Variants in RBMS3 observed in about 807,000 individuals in gnomAD.
RBMS3 encodes the protein RNA binding motif single stranded interacting protein 3.
RBMS3 carries 27 observed loss-of-function variants against 66.8 expected under a neutral mutation model. The ratio of observed to expected loss-of-function variants is 0.40; its 90% CI spans 0.30 to 0.56. RBMS3 has a LOEUF of 0.56. Ranked by LOEUF, RBMS3 falls within the 20% of genes least tolerant of loss-of-function variation. RBMS3 has a pLI of 0.40. For synonymous variants in RBMS3, 188 were observed against 183.0 expected (o/e 1.03, Z -0.22); for missense variants, 513 against 549.5 (o/e 0.93, Z 0.66).
At chr3:29,861,024 C>T (rs1463531429) in intron 6 of RBMS3, among the ~76,000 whole-genome samples, 14 of 152,094 alleles carry the variant, frequency 9.2e-5, no homozygotes, top group African/African-American at 3.1e-4. Context: ...CCACCACGCC[C>T]GGCTAATTTT....
intron 1 of RBMS3, among the ~76,000 whole-genome samples, chr3:29,309,443 T>G (rs2034234137): frequency 6.6e-6 from 1 of 151,786 alleles, no homozygotes; most frequent in African/African-American, 2.4e-5. Flanking sequence ...TGTATCATAA[T>G]GTACTGACAC....
chr3:29,762,835 C>A, intron 5 of RBMS3, 75 bp from the exon 6 acceptor site: 1 of 1,038,120 alleles, frequency 9.6e-7, no homozygotes. Context: ...CTATGGCTTT[C>A]TTGTTTTCCT....
intron 2 of RBMS3, among the ~76,000 whole-genome samples, chr3:29,462,522 T>A (rs2042405595): frequency 6.6e-6 from 1 of 152,246 alleles, no homozygotes; most frequent in Admixed American, 6.5e-5. Flanking sequence ...GACTTGGAGC[T>A]GATCCTTCTC....
intron 1 of RBMS3, among the ~76,000 whole-genome samples, chr3:29,422,629 T>C (rs1305698058): frequency 6.6e-6 from 1 of 152,064 alleles, no homozygotes; most frequent in Non-Finnish European, 1.5e-5. Flanking sequence ...ATAATGTAAA[T>C]TGCCTAATAT....
chr3:29,800,579 G>A (rs1576842738), intron 6 of RBMS3, among the ~76,000 whole-genome samples: 2 of 152,028 alleles, frequency 1.3e-5, no homozygotes, highest in East Asian at 3.9e-4. Context: ...AATTTCAAAG[G>A]TTATGTACAA....
At chr3:29,746,729 C>G (rs1368416544) in intron 5 of RBMS3, among the ~76,000 whole-genome samples, 1 of 152,020 alleles carries the variant, frequency 6.6e-6, no homozygotes, top group Non-Finnish European at 1.5e-5. Context: ...AACCAGTGAA[C>G]CAACCAAACA....
intron 9 of RBMS3, 52 bp from the exon 10 acceptor site, chr3:29,899,653 C>T: frequency 3.9e-6 from 6 of 1,555,102 alleles, no homozygotes; most frequent in Non-Finnish European, 4.4e-6. Flanking sequence ...AACACAAGAA[C>T]CAAGTTCTCT....
chr3:29,595,410 A>AAG (rs1220654869), intron 4 of RBMS3, among the ~76,000 whole-genome samples: 2 of 151,504 alleles, frequency 1.3e-5, no homozygotes, highest in African/African-American at 4.9e-5. Context: ...AAAAAAAAAA[A>AAG]AAAAAGAAAA....
At chr3:29,934,250 G>C (rs1224680818) in intron 10 of RBMS3, 2 of 151,862 alleles carry the variant, frequency 1.3e-5, no homozygotes, top group African/African-American at 2.4e-5. Flanking sequence ...TTCAAGAAGA[G>C]AATCGAAGTC....
chr3:29,708,503 T>A (rs1176663813), intron 4 of RBMS3, among the ~76,000 whole-genome samples: 1 of 152,224 alleles, frequency 6.6e-6, no homozygotes, highest in Non-Finnish European at 1.5e-5. Context: ...TTAGATCTTG[T>A]AAGAAACAAA....
At chr3:29,776,366 T>C (rs2056426301) in intron 6 of RBMS3, among the ~76,000 whole-genome samples, 1 of 151,974 alleles carries the variant, frequency 6.6e-6, no homozygotes, top group Admixed American at 6.6e-5. Context: ...TCTTGCCAGG[T>C]TCCTCATAGA....
At chr3:29,890,673 A>C (rs2059980046) in intron 8 of RBMS3, among the ~76,000 whole-genome samples, 1 of 151,628 alleles carries the variant, frequency 6.6e-6, no homozygotes, top group African/African-American at 2.4e-5. Flanking sequence ...CAATTGTAAT[A>C]GGAGATAGAA....
At chr3:29,482,460 C>T (rs1408464736) in intron 2 of RBMS3, among the ~76,000 whole-genome samples, 1 of 152,116 alleles carries the variant, frequency 6.6e-6, no homozygotes, top group Non-Finnish European at 1.5e-5. Context: ...TTTTTCCTCA[C>T]AAGATTTTCA....
intron 6 of RBMS3, among the ~76,000 whole-genome samples, chr3:29,783,604 T>G (rs1233333753): frequency 1.3e-5 from 2 of 151,998 alleles, no homozygotes; most frequent in Non-Finnish European, 2.9e-5. Context: ...CCATAAAGCA[T>G]AAACCTCACA....
chr3:29,598,554 A>G (rs1576329992), intron 4 of RBMS3, among the ~76,000 whole-genome samples: 1 of 151,998 alleles, frequency 6.6e-6, no homozygotes, highest in African/African-American at 2.4e-5. Flanking sequence ...TCCCTTACTT[A>G]ACTTCTAGAA....
intron 7 of RBMS3, among the ~76,000 whole-genome samples, chr3:29,879,309 C>G (rs1168493935): frequency 1.3e-5 from 2 of 152,010 alleles, no homozygotes; most frequent in Non-Finnish European, 2.9e-5. Context: ...GTAGCAGTAC[C>G]TAGATGTTTA....
intron 10 of RBMS3, among the ~76,000 whole-genome samples, chr3:29,917,907 G>A (rs1285695120): frequency 6.6e-6 from 1 of 152,090 alleles, no homozygotes; most frequent in African/African-American, 2.4e-5. Flanking sequence ...TTGGAATAAT[G>A]TCCTCCTTAT....
intron 4 of RBMS3, among the ~76,000 whole-genome samples, chr3:29,687,534 A>C (rs2051786631): frequency 6.6e-6 from 1 of 152,214 alleles, no homozygotes; most frequent in African/African-American, 2.4e-5. Flanking sequence ...GACACAAGCT[A>C]TCTCAATTTA....
intron 1 of RBMS3, among the ~76,000 whole-genome samples, chr3:29,355,318 A>C (rs1177791586): frequency 6.6e-6 from 1 of 152,136 alleles, no homozygotes; most frequent in Non-Finnish European, 1.5e-5. Context: ...TCCTGATAAA[A>C]AACCTGTTTA....
Sources: gnomAD v4.1 joint callset for allele counts (sites outside exome capture counted in the v4.1 genomes callset) on GRCh38, gnomAD v4.1.1 for gene constraint, MANE v1.5 for transcripts, NCBI Gene and HGNC (gene_info 2026-07-23, HGNC 2026-07-21) for gene names.